NELL2: variants seen among roughly 807,000 people sequenced by gnomAD.
NELL2 encodes neural EGFL like 2.
Under a neutral mutation model 109.6 loss-of-function variants are expected in NELL2, and 41 were observed. The observed-to-expected ratio is 0.37, with a 90% CI of 0.29 to 0.49. The LOEUF is 0.49. Among genes scored for constraint, NELL2 ranks in the 20% least tolerant of loss-of-function variants. The pLI is 0.98. For synonymous variants in NELL2, 355 were observed against 344.7 expected (o/e 1.03, Z -0.33); for missense variants, 900 against 1,008.3 (o/e 0.89, Z 1.45).
intron 13 of NELL2, among the ~76,000 whole-genome samples, chr12:44,650,221 G>T (rs1947251753): frequency 6.6e-6 from 1 of 151,576 alleles, no homozygotes; most frequent in Non-Finnish European, 1.5e-5. Context: ...CCTTTTAAAA[G>T]ATATTACATC....
intron 12 of NELL2, among the ~76,000 whole-genome samples, chr12:44,699,799 T>C (rs1949173572): frequency 6.6e-6 from 1 of 152,144 alleles, no homozygotes; most frequent in Admixed American, 6.5e-5. Context: ...TCTCTTCTCT[T>C]GGCTTCTGTG....
intron 15 of NELL2, among the ~76,000 whole-genome samples, chr12:44,593,723 A>G (rs1239550846): frequency 2.0e-5 from 3 of 152,150 alleles, no homozygotes; most frequent in Admixed American, 6.5e-5. Flanking sequence ...CAACAGTGTA[A>G]AAGCGTTCCT....
At chr12:44,623,038 G>C (rs1946114702) in intron 13 of NELL2, among the ~76,000 whole-genome samples, 1 of 151,988 alleles carries the variant, frequency 6.6e-6, no homozygotes, top group African/African-American at 2.4e-5. Context: ...TATCTTTAAA[G>C]GTCTTTTAAT....
intron 3 of NELL2, among the ~76,000 whole-genome samples, chr12:44,790,530 G>A: frequency 6.6e-6 from 1 of 151,798 alleles, no homozygotes; most frequent in Non-Finnish European, 1.5e-5. Context: ...CCTCTTTAAA[G>A]CATAAATCAC....
chr12:44,517,413 C>G (rs1227238271), intron 19 of NELL2, among the ~76,000 whole-genome samples: 1 of 144,182 alleles, frequency 6.9e-6, no homozygotes, highest in Non-Finnish European at 1.5e-5. Context: ...CTCTCTCTCT[C>G]TCTCTCTCGT....
chr12:44,833,172 T>C (rs947171690), intron 2 of NELL2, among the ~76,000 whole-genome samples: 3 of 152,200 alleles, frequency 2.0e-5, no homozygotes, highest in Admixed American at 1.3e-4. Context: ...TTGTATAACA[T>C]TCCTTTTTTA....
chr12:44,634,067 C>A (rs1946551359), intron 13 of NELL2, among the ~76,000 whole-genome samples: 1 of 152,022 alleles, frequency 6.6e-6, no homozygotes, highest in Non-Finnish European at 1.5e-5. Flanking sequence ...ACTTGCAGAA[C>A]TACTTTAAGA....
chr12:44,675,950 G>A (rs1282697305), intron 12 of NELL2, among the ~76,000 whole-genome samples: 4 of 152,062 alleles, frequency 2.6e-5, no homozygotes, highest in Admixed American at 6.6e-5. Flanking sequence ...TCCCTTTCCT[G>A]CCACATTATA....
chr12:44,816,766 A>G (rs1943365222), intron 2 of NELL2, among the ~76,000 whole-genome samples: 1 of 152,226 alleles, frequency 6.6e-6, no homozygotes, highest in South Asian at 2.1e-4. Flanking sequence ...TTTCCTCCCC[A>G]GTCTTAGAGA....
chr12:44,890,174 C>A (rs1467565129), intron 1 of NELL2, among the ~76,000 whole-genome samples: 2 of 152,070 alleles, frequency 1.3e-5, no homozygotes, highest in Non-Finnish European at 2.9e-5. Context: ...CAGTCTTGGC[C>A]AAAGGCTGGA....
chr12:44,820,206 G>A (rs2136695260), intron 2 of NELL2, among the ~76,000 whole-genome samples: 1 of 152,256 alleles, frequency 6.6e-6, no homozygotes, highest in Admixed American at 6.5e-5. Flanking sequence ...TTAAAAACAT[G>A]TTTTCAAGAA....
At chr12:44,558,681 G>A (rs1017853360) in intron 15 of NELL2, among the ~76,000 whole-genome samples, 4 of 152,142 alleles carry the variant, frequency 2.6e-5, no homozygotes, top group Non-Finnish European at 4.4e-5. Flanking sequence ...AGCAAACCAC[G>A]GACCAGGAGA....
intron 13 of NELL2, among the ~76,000 whole-genome samples, chr12:44,653,391 T>C (rs1947370199): frequency 6.6e-6 from 1 of 152,146 alleles, no homozygotes; most frequent in Non-Finnish European, 1.5e-5. Context: ...TGAGTTATTA[T>C]CCACAAGCTA....
intron 9 of NELL2, among the ~76,000 whole-genome samples, chr12:44,726,032 C>A (rs1939062634): frequency 6.6e-6 from 1 of 151,946 alleles, no homozygotes; most frequent in Admixed American, 6.5e-5. Flanking sequence ...TTATGCATAA[C>A]AATAAATACA....
intron 9 of NELL2, among the ~76,000 whole-genome samples, chr12:44,717,640 A>C (rs1193080391): frequency 6.6e-6 from 1 of 152,194 alleles, no homozygotes; most frequent in African/African-American, 2.4e-5. Flanking sequence ...CATTACCCTA[A>C]GGCTAAGGAA....
intron 10 of NELL2, among the ~76,000 whole-genome samples, chr12:44,712,622 C>T (rs992188393): frequency 2.6e-4 from 40 of 151,854 alleles, no homozygotes; most frequent in African/African-American, 8.9e-4. Context: ...AGCTAAGGGC[C>T]TTGAAGGGAA....
intron 13 of NELL2, among the ~76,000 whole-genome samples, chr12:44,639,044 C>T (rs1246018611): frequency 2.0e-5 from 3 of 151,984 alleles, no homozygotes; most frequent in Non-Finnish European, 4.4e-5. Flanking sequence ...TTTTTTCATG[C>T]CAAGTCTTCA....
chr12:44,700,195 G>A (rs1176319091), intron 12 of NELL2, among the ~76,000 whole-genome samples: 1 of 152,034 alleles, frequency 6.6e-6, no homozygotes, highest in South Asian at 2.1e-4. Context: ...ATCAAGACTG[G>A]CTGGTTTTAC....
intron 13 of NELL2, among the ~76,000 whole-genome samples, chr12:44,633,433 C>T (rs2136288359): frequency 6.6e-6 from 1 of 152,090 alleles, no homozygotes; most frequent in African/African-American, 2.4e-5. Context: ...CCCCCTTTAC[C>T]CAGTATGATT....
Sources: allele counts gnomAD v4.1 joint callset (sites outside exome capture counted in the v4.1 genomes callset), GRCh38; gene constraint gnomAD v4.1.1; transcripts MANE v1.5; gene names NCBI Gene and HGNC (gene_info 2026-07-23, HGNC 2026-07-21).